NCALD: variants seen among roughly 807,000 people sequenced by gnomAD.
NCALD encodes the protein neurocalcin delta.
In NCALD, 10 loss-of-function variants were observed where a neutral mutation model predicts 18.6. The observed-to-expected ratio is 0.54, with a 90% CI of 0.33 to 0.91. The LOEUF (loss-of-function observed/expected upper bound fraction) is 0.91, where lower values mean the gene tolerates loss of function less well. Among genes scored for constraint, NCALD ranks in the 40% least tolerant of loss-of-function variants. The probability of loss-of-function intolerance (pLI) is 0.03; values close to 1 mark genes in which losing one functional copy is unlikely to be tolerated. For missense variants in NCALD, 184 were observed against 247.6 expected, an observed-to-expected ratio of 0.74 and a Z score of 1.72; for synonymous variants, 88 against 87.4, an observed-to-expected ratio of 1.01 and a Z score of -0.04.
At chr8:101,779,435 A>T (rs763860372) in intron 1 of NCALD, among the ~76,000 whole-genome samples, 2 of 152,212 alleles carry the variant, frequency 1.3e-5, no homozygotes, top group African/African-American at 2.4e-5. Context: ...CAGAGAAGAC[A>T]AAGATAATTA....
intron 2 of NCALD, among the ~76,000 whole-genome samples, chr8:101,968,405 T>G (rs1820112890): frequency 6.6e-6 from 1 of 152,210 alleles, no homozygotes; most frequent in Non-Finnish European, 1.5e-5. Context: ...ATAGATAATT[T>G]TTGTGACAAA....
chr8:101,863,034 T>G (rs1008783467), intron 4 of NCALD, among the ~76,000 whole-genome samples: 13 of 152,182 alleles, frequency 8.5e-5, no homozygotes, highest in African/African-American at 3.1e-4. Flanking sequence ...CTCCTGAGGT[T>G]AAATAAATTA....
intron 1 of NCALD, among the ~76,000 whole-genome samples, chr8:102,026,167 G>T (rs1412484696): frequency 6.6e-6 from 1 of 152,114 alleles, no homozygotes; most frequent in Non-Finnish European, 1.5e-5. Context: ...ATATCATTCT[G>T]CCCCTGGCCC....
At chr8:101,720,006 A>G (rs1171488364) in intron 1 of NCALD, among the ~76,000 whole-genome samples, 1 of 152,208 alleles carries the variant, frequency 6.6e-6, no homozygotes, top group Non-Finnish European at 1.5e-5. Flanking sequence ...CCAGAGGTTG[A>G]GCTTAAATTT....
At chr8:101,691,689 C>G (rs534482387) in intron 3 of NCALD, 1 of 985,320 alleles carries the variant, frequency 1.0e-6, no homozygotes, top group East Asian at 1.1e-4. Flanking sequence ...GGAATGGCAC[C>G]TTTGTGGAGG....
chr8:101,782,873 G>C (rs557958838), intron 1 of NCALD, among the ~76,000 whole-genome samples: 2 of 152,352 alleles, frequency 1.3e-5, no homozygotes, highest in African/African-American at 4.8e-5. Context: ...GTTGTAGCCA[G>C]TGTGGAAGAC....
At chr8:101,732,667 G>A (rs751484866) in intron 1 of NCALD, among the ~76,000 whole-genome samples, 4 of 119,944 alleles carry the variant, frequency 3.3e-5, no homozygotes, top group African/African-American at 9.6e-5. Context: ...GCAGTGGCAC[G>A]ATCTCAGCTC....
intron 2 of NCALD, among the ~76,000 whole-genome samples, chr8:101,718,524 A>G (rs562674084): frequency 5.3e-5 from 8 of 152,292 alleles, no homozygotes; most frequent in African/African-American, 1.9e-4. Context: ...CAGCCCACGA[A>G]GACTAAATGT....
At chr8:102,079,507 C>G (rs1204131451) in intron 1 of NCALD, among the ~76,000 whole-genome samples, 1 of 151,750 alleles carries the variant, frequency 6.6e-6, no homozygotes, top group African/African-American at 2.4e-5. Flanking sequence ...GATCTCTATA[C>G]ATGGAATCCA....
chr8:102,073,477 A>G (rs1000069542), intron 1 of NCALD, among the ~76,000 whole-genome samples: 2 of 152,270 alleles, frequency 1.3e-5, no homozygotes, highest in African/African-American at 2.4e-5. Flanking sequence ...TAGATGTAAC[A>G]TGATCGGAAA....
At chr8:101,732,337 T>G (rs185523632) in intron 1 of NCALD, among the ~76,000 whole-genome samples, 1 of 152,140 alleles carries the variant, frequency 6.6e-6, no homozygotes, top group African/African-American at 2.4e-5. Flanking sequence ...AGAGGAGGTA[T>G]AGGAGGAGCT....
At chr8:101,830,018 G>T in intron 4 of NCALD, among the ~76,000 whole-genome samples, 1 of 128,914 alleles carries the variant, frequency 7.8e-6, no homozygotes. Flanking sequence ...AAAAGAAGCT[G>T]CTAAATATTT....
At chr8:101,741,058 T>C (rs1810163826) in intron 1 of NCALD, among the ~76,000 whole-genome samples, 1 of 152,242 alleles carries the variant, frequency 6.6e-6, no homozygotes, top group Non-Finnish European at 1.5e-5. Flanking sequence ...AGTATTTTCC[T>C]GGACTATCAC....
chr8:101,700,045 T>C (rs1241547777), intron 2 of NCALD, among the ~76,000 whole-genome samples: 1 of 151,732 alleles, frequency 6.6e-6, no homozygotes, highest in African/African-American at 2.4e-5. Context: ...TATTTATTTA[T>C]TTATTTATTT....
At chr8:101,897,919 C>T (rs1402152499) in intron 3 of NCALD, among the ~76,000 whole-genome samples, 2 of 152,186 alleles carry the variant, frequency 1.3e-5, no homozygotes, top group South Asian at 2.1e-4. Context: ...TGGAAATAAT[C>T]GAATCACAGG....
chr8:102,002,285 A>G (rs1366395048), intron 2 of NCALD, among the ~76,000 whole-genome samples: 2 of 152,248 alleles, frequency 1.3e-5, no homozygotes, highest in Non-Finnish European at 2.9e-5. Flanking sequence ...AAAGAAGGCC[A>G]TTACATAATG....
In NCALD at chr8:101,751,805, T is replaced by G. The variant is rs77298867; in HGVS notation, c.-19-32157A>C. Among the ~76,000 whole-genome samples the G allele has an allele frequency of 2.6e-4, 39 of 152,250 alleles. No individual in the cohort carries two copies. In the East Asian group the frequency reaches 7.3e-3, roughly 29 times the overall value. On this transcript the variant is annotated intron_variant, in intron 1 of 3. Coordinates refer to ENST00000220931, the MANE Select transcript of NCALD (RefSeq NM_032041.3). Reference sequence around the variant, plus strand: ...TTCGGGAGACAGCCTGCCCCAAAGGTGGGGGTCAGCCATGACTCAGCTTTC... The same window carrying G: ...TTCGGGAGACAGCCTGCCCCAAAGGGGGGGGTCAGCCATGACTCAGCTTTC...
At chr8:101,881,607 C>G (rs1816496204) in intron 4 of NCALD, among the ~76,000 whole-genome samples, 1 of 152,272 alleles carries the variant, frequency 6.6e-6, no homozygotes, top group Middle Eastern at 3.4e-3. Context: ...ATTCTTGCAG[C>G]TGACTGAAGT....
chr8:101,818,060 G>A (rs1458928437), intron 4 of NCALD, among the ~76,000 whole-genome samples: 3 of 152,190 alleles, frequency 2.0e-5, no homozygotes, highest in East Asian at 3.8e-4. Context: ...GCCCTGGTAT[G>A]AGGACTTTGC....
Sources: gnomAD v4.1 joint callset for allele counts (sites outside exome capture counted in the v4.1 genomes callset) on GRCh38, gnomAD v4.1.1 for gene constraint, MANE v1.5 for transcripts, NCBI Gene and HGNC (gene_info 2026-07-23, HGNC 2026-07-21) for gene names.